Variants in NTM observed in about 807,000 individuals in gnomAD.
NTM encodes IgLON family member 2.
NTM carries 13 observed loss-of-function variants against 42.1 expected under a neutral mutation model. The observed-to-expected ratio is 0.31, with a 90% CI of 0.20 to 0.49. The LOEUF is 0.49. NTM is among the 20% of genes least tolerant of loss of function. NTM has a pLI of 0.99. For missense variants in NTM, 373 were observed against 452.8 expected, an observed-to-expected ratio of 0.82 and a Z score of 1.60; for synonymous variants, 187 against 179.2, an observed-to-expected ratio of 1.04 and a Z score of -0.35.
At chr11:132,325,767 T>C (rs2136351014) in intron 7 of NTM, among the ~76,000 whole-genome samples, 1 of 152,274 alleles carries the variant, frequency 6.6e-6, no homozygotes, top group Middle Eastern at 3.4e-3. Flanking sequence ...GGAACCAACC[T>C]AAATTTCCAA....
chr11:132,088,226 C>T (rs966775783), intron 2 of NTM, among the ~76,000 whole-genome samples: 4 of 152,130 alleles, frequency 2.6e-5, no homozygotes, highest in East Asian at 1.9e-4. Context: ...CCAACATTCC[C>T]GACCCCTGAG....
At chr11:131,653,272 C>T (rs554917469) in intron 1 of NTM, among the ~76,000 whole-genome samples, 75 of 60,734 alleles carry the variant, frequency 1.2e-3, no homozygotes, top group Non-Finnish European at 2.7e-3. Context: ...TGTCTCCCTC[C>T]ACCTGCTGTC....
intron 1 of NTM, among the ~76,000 whole-genome samples, chr11:131,511,837 C>A (rs921337431): frequency 2.6e-5 from 4 of 152,170 alleles, no homozygotes; most frequent in Admixed American, 2.6e-4. Flanking sequence ...CCCATTGTAA[C>A]TGAAAGCACT....
At chr11:131,760,854 C>G (rs2084057496) in intron 1 of NTM, among the ~76,000 whole-genome samples, 1 of 152,162 alleles carries the variant, frequency 6.6e-6, no homozygotes, top group Non-Finnish European at 1.5e-5. Flanking sequence ...AGGAAGAGGA[C>G]TGTGCCCACG....
intron 1 of NTM, among the ~76,000 whole-genome samples, chr11:131,773,795 C>T (rs539107860): frequency 2.0e-5 from 3 of 152,288 alleles, no homozygotes; most frequent in South Asian, 2.1e-4. Flanking sequence ...GGTTAGTAAC[C>T]TGACTGTGTT....
intron 1 of NTM, among the ~76,000 whole-genome samples, chr11:131,601,518 T>C (rs1201089841): frequency 6.6e-6 from 1 of 152,188 alleles, no homozygotes; most frequent in African/African-American, 2.4e-5. Flanking sequence ...TGGACGCAGA[T>C]AAAATTGTTT....
intron 2 of NTM, among the ~76,000 whole-genome samples, chr11:132,097,707 T>G (rs960569298): frequency 6.6e-6 from 1 of 152,246 alleles, no homozygotes; most frequent in Non-Finnish European, 1.5e-5. Flanking sequence ...TGGAAGGTAG[T>G]AGAGACTTCG....
intron 1 of NTM, among the ~76,000 whole-genome samples, chr11:131,667,887 C>A (rs1201271910): frequency 2.6e-5 from 4 of 152,198 alleles, no homozygotes; most frequent in Admixed American, 2.6e-4. Context: ...CCTGGAGACA[C>A]CCTCTCTTCC....
chr11:131,721,426 C>T (rs2078320122), intron 1 of NTM, among the ~76,000 whole-genome samples: 5 of 151,978 alleles, frequency 3.3e-5, no homozygotes. Context: ...AGAGTGCCTC[C>T]TTCATTAGGT....
intron 3 of NTM, among the ~76,000 whole-genome samples, chr11:132,170,103 G>T (rs753560109): frequency 6.6e-6 from 1 of 152,156 alleles, no homozygotes; most frequent in Non-Finnish European, 1.5e-5. Flanking sequence ...TGACTGAGCC[G>T]GGATAGCCAC....
intron 2 of NTM, among the ~76,000 whole-genome samples, chr11:131,975,213 G>T (rs1170660063): frequency 6.6e-6 from 1 of 151,388 alleles, no homozygotes; most frequent in Non-Finnish European, 1.5e-5. Flanking sequence ...ACAGAGTCTT[G>T]CTCTGTCACC....
At chr11:132,248,514 G>A (rs1027275585) in intron 4 of NTM, among the ~76,000 whole-genome samples, 2 of 152,084 alleles carry the variant, frequency 1.3e-5, no homozygotes, top group Non-Finnish European at 2.9e-5. Flanking sequence ...AGAGAGGGAG[G>A]GTAGGGCCAG....
Position 132,298,049 on chromosome 11 carries a change from T to A in NTM, c.527-9640T>A, listed in dbSNP as rs114983094. Among the ~76,000 whole-genome samples, 1,145 of 152,310 alleles carry A rather than the reference T, an allele frequency of 7.5e-3. 18 individuals carry two copies. Among genetic ancestry groups the A allele is most frequent in the African/African-American group, 0.026 (1,097 of 41,568 alleles). On this transcript the variant is annotated intron_variant, in intron 4 of 8. Transcript: ENST00000683400. ...GTGAAGGTGACTTCTTATCTGATCC[T>A]GAGCACAATGGTGTCAGGAGAACCT...
At chr11:131,497,012 G>A (rs549087385) in intron 1 of NTM, among the ~76,000 whole-genome samples, 2 of 152,176 alleles carry the variant, frequency 1.3e-5, no homozygotes, top group African/African-American at 2.4e-5. Context: ...GCAGGAGGTC[G>A]ATAATTCAGG....
At chr11:131,830,778 A>G (rs1240270300) in intron 1 of NTM, among the ~76,000 whole-genome samples, 4 of 152,336 alleles carry the variant, frequency 2.6e-5, no homozygotes, top group Admixed American at 2.6e-4. Flanking sequence ...CATTTTAACA[A>G]TATCGATTCT....
chr11:131,585,061 G>A (rs572086463), intron 1 of NTM, among the ~76,000 whole-genome samples: 44 of 152,306 alleles, frequency 2.9e-4, no homozygotes, highest in Middle Eastern at 3.4e-3. Context: ...ACAAATTAAG[G>A]CAAAATTAGA....
At chr11:132,046,627 G>C (rs551782585) in intron 2 of NTM, among the ~76,000 whole-genome samples, 1 of 152,292 alleles carries the variant, frequency 6.6e-6, no homozygotes, top group Admixed American at 6.5e-5. Flanking sequence ...GGGGACAACA[G>C]GTTTCCGGGA....
intron 1 of NTM, among the ~76,000 whole-genome samples, chr11:131,437,762 A>T (rs1949273212): frequency 6.6e-6 from 1 of 152,196 alleles, no homozygotes; most frequent in African/African-American, 2.4e-5. Flanking sequence ...GTGCCTTTTA[A>T]GTGGGGCATT....
chr11:131,572,620 G>A (rs2057551707), intron 1 of NTM, among the ~76,000 whole-genome samples: 3 of 152,108 alleles, frequency 2.0e-5, no homozygotes, highest in African/African-American at 4.8e-5. Context: ...TTGCAGAGAC[G>A]GCTCCCTGAA....
Sources: allele counts gnomAD v4.1 joint callset (sites outside exome capture counted in the v4.1 genomes callset), GRCh38; gene constraint gnomAD v4.1.1; transcripts MANE v1.5; gene names NCBI Gene and HGNC (gene_info 2026-07-23, HGNC 2026-07-21).